RGL1: variants seen among roughly 807,000 people sequenced by gnomAD.
RGL1 encodes ral guanine nucleotide dissociation stimulator like 1, also known as ral guanine nucleotide dissociation stimulator-like 1.
A neutral mutation model predicts 95.2 loss-of-function variants in RGL1; 24 were observed. The observed-to-expected ratio is 0.25, with a 90% CI of 0.18 to 0.35. RGL1 has a LOEUF of 0.35. RGL1 is among the 10% of genes least tolerant of loss of function. RGL1 has a pLI of 1.00. For synonymous variants in RGL1, 329 were observed against 344.9 expected (o/e 0.95, Z 0.51); for missense variants, 715 against 936.3 (o/e 0.76, Z 3.08).
chr1:183,733,640 A>T (rs1243052897), intron 1 of RGL1, among the ~76,000 whole-genome samples: 2 of 152,168 alleles, frequency 1.3e-5, no homozygotes, highest in East Asian at 3.8e-4. Context: ...ATTCCAGAGG[A>T]TTTATTCCCA....
At chr1:183,801,830 G>T (rs914079320), upstream of RGL1, among the ~76,000 whole-genome samples, 1 of 152,098 alleles carries the variant, frequency 6.6e-6, no homozygotes, top group African/African-American at 2.4e-5. Context: ...AGAGAGATGG[G>T]GGTCATACTC....
At chr1:183,852,061 C>A (rs3002648) in intron 3 of RGL1, among the ~76,000 whole-genome samples, 121,360 of 152,068 alleles carry the variant, frequency 0.8, 48,572 homozygotes, top group Middle Eastern at 0.88. Context: ...AACACTGAGA[C>A]GCTATTACAG....
intron 11 of RGL1, among the ~76,000 whole-genome samples, chr1:183,900,805 C>G (rs534401632): frequency 6.6e-6 from 1 of 152,106 alleles, no homozygotes; most frequent in East Asian, 2.0e-4. Context: ...CTGCACCCGG[C>G]CCACAATGAA....
At chr1:183,797,059 G>A (rs978928594) in intron 2 of RGL1, among the ~76,000 whole-genome samples, 10 of 152,144 alleles carry the variant, frequency 6.6e-5, no homozygotes, top group Non-Finnish European at 1.3e-4. Flanking sequence ...GCCGGGCACG[G>A]TGGCTCACAC....
At chr1:183,875,129 G>A (rs1666415043) in intron 4 of RGL1, among the ~76,000 whole-genome samples, 1 of 152,128 alleles carries the variant, frequency 6.6e-6, no homozygotes, top group African/African-American at 2.4e-5. Context: ...TTTGAAAAAT[G>A]GTTCCATGTC....
In RGL1 at chr1:183,695,024, G is replaced by A. The variant is rs75041543; in HGVS notation, c.-32-47102G>A. Among the ~76,000 whole-genome samples, 92 of 152,352 alleles carry A rather than the reference G, an allele frequency of 6.0e-4. 1 individual carries two copies. The East Asian group carries it at 0.017, about 27-fold the overall frequency. On this transcript the variant is annotated intron_variant, in intron 1 of 18. Transcript: ENST00000304685. Reference sequence around the variant, plus strand: ...AGCAAAGGAGTCCACAGAATCTCAAGTATCCATGCTCCAATCACTAAAGCT... The same window carrying A: ...AGCAAAGGAGTCCACAGAATCTCAAATATCCATGCTCCAATCACTAAAGCT...
chr1:183,657,626 T>C (rs1349911046), intron 1 of RGL1, among the ~76,000 whole-genome samples: 1 of 151,744 alleles, frequency 6.6e-6, no homozygotes, highest in Non-Finnish European at 1.5e-5. Flanking sequence ...GAACTCATCA[T>C]TTTTTATGGC....
chr1:183,824,214 T>A (rs571228146), intron 2 of RGL1, among the ~76,000 whole-genome samples: 1 of 152,230 alleles, frequency 6.6e-6, no homozygotes, highest in Non-Finnish European at 1.5e-5. Flanking sequence ...CCTTAATTGC[T>A]GCCTAAAAAT....
intron 1 of RGL1, among the ~76,000 whole-genome samples, chr1:183,692,449 G>T (rs1654003441): frequency 6.6e-6 from 1 of 152,120 alleles, no homozygotes; most frequent in African/African-American, 2.4e-5. Flanking sequence ...TCAGGAGCAG[G>T]GTGAATGAAG....
At chr1:183,802,758 T>C (rs1459056659), upstream of RGL1, among the ~76,000 whole-genome samples, 1 of 152,162 alleles carries the variant, frequency 6.6e-6, no homozygotes, top group Non-Finnish European at 1.5e-5. Flanking sequence ...TAAAGTACCT[T>C]GGAATAAACT....
At chr1:183,693,397 T>C (rs1011179576) in intron 1 of RGL1, among the ~76,000 whole-genome samples, 2 of 152,096 alleles carry the variant, frequency 1.3e-5, no homozygotes, top group African/African-American at 4.8e-5. Context: ...ACATTTTACC[T>C]GGAAGCTGAA....
At chr1:183,660,206 A>G (rs994443836) in intron 1 of RGL1, among the ~76,000 whole-genome samples, 7 of 152,322 alleles carry the variant, frequency 4.6e-5, no homozygotes, top group Non-Finnish European at 8.8e-5. Context: ...CACCCATAAC[A>G]ATATTAATTT....
intron 2 of RGL1, among the ~76,000 whole-genome samples, chr1:183,762,096 TTTTGC>T (rs1658696978): frequency 2.0e-5 from 3 of 152,224 alleles, no homozygotes; most frequent in African/African-American, 7.2e-5. Flanking sequence ...ATTAAGGCTG[TTTTGC>T]TTTATCATTC....
chr1:183,678,584 T>C (rs1467294342), intron 1 of RGL1, among the ~76,000 whole-genome samples: 1 of 150,224 alleles, frequency 6.7e-6, no homozygotes, highest in Non-Finnish European at 1.5e-5. Context: ...CTACTTTGTC[T>C]CTTTTTTTTT....
intron 2 of RGL1, among the ~76,000 whole-genome samples, chr1:183,826,653 G>A (rs1287746455): frequency 6.6e-6 from 1 of 152,180 alleles, no homozygotes; most frequent in African/African-American, 2.4e-5. Context: ...TTCTATTTAT[G>A]TCAGTTTCTC....
chr1:183,757,180 A>G (rs1014363151), intron 2 of RGL1, among the ~76,000 whole-genome samples: 10 of 152,202 alleles, frequency 6.6e-5, no homozygotes, highest in Non-Finnish European at 1.5e-4. Context: ...AAACTGGCGA[A>G]TGTCTGTATG....
intron 2 of RGL1, among the ~76,000 whole-genome samples, chr1:183,823,710 A>ATATCTAT (rs1662654083): frequency 8.5e-5 from 13 of 152,226 alleles, no homozygotes; most frequent in Admixed American, 8.5e-4. Flanking sequence ...AGTTATTTGA[A>ATATCTAT]GTCAATGAAT....
chr1:183,807,192 T>G (rs368113394), intron 2 of RGL1, among the ~76,000 whole-genome samples: 1 of 152,196 alleles, frequency 6.6e-6, no homozygotes, highest in South Asian at 2.1e-4. Flanking sequence ...AATGGAAAGC[T>G]CAGCGACAGG....
rs1014834625 is a variant in RGL1 at position 183,868,827 on chromosome 1, C to T, written c.425+2754C>T. Among the ~76,000 whole-genome samples, 96 of 152,140 alleles carry T rather than the reference C, an allele frequency of 6.3e-4. 3 individuals carry two copies. Among genetic ancestry groups the T allele is most frequent in the Non-Finnish European group, 1.5e-5 (1 of 68,014 alleles). ...GAGGAGAGTCACAATCAAAAATATC[C>T]AGAGCTGGCCGGGCGTGGTGGCTCA... On this transcript the variant is annotated intron_variant, in intron 4 of 17. Transcript: ENST00000360851.
Sources: allele counts gnomAD v4.1 joint callset (sites outside exome capture counted in the v4.1 genomes callset), GRCh38; gene constraint gnomAD v4.1.1; transcripts MANE v1.5; gene names NCBI Gene and HGNC (gene_info 2026-07-23, HGNC 2026-07-21).